IGBP1: variants seen among roughly 807,000 people sequenced by gnomAD.
IGBP1 encodes immunoglobulin-binding protein 1.
In IGBP1, 2 loss-of-function variants were observed where a neutral mutation model predicts 25.9. That is an observed-to-expected ratio of 0.08 (90% CI 0.03 to 0.24). The LOEUF is 0.24. Among genes scored for constraint, IGBP1 ranks in the 10% least tolerant of loss-of-function variants. IGBP1 has a pLI of 1.00. For synonymous variants in IGBP1, 96 were observed against 93.4 expected (o/e 1.03, Z -0.16); for missense variants, 187 against 260.4 (o/e 0.72, Z 1.94).
In IGBP1 at chrX:70,146,709, G is replaced by A; in HGVS notation, c.559G>A (p.Glu187Lys). 1 of 1,205,389 alleles carries A rather than the reference G, an allele frequency of 8.3e-7. No individual in the cohort carries two copies. Among genetic ancestry groups the A allele is most frequent in the South Asian group, 1.8e-5 (1 of 56,767 alleles). The change falls in exon 4 of 7, where the codon GAG (glutamate) becomes AAG (lysine). Residue 187 changes from glutamate (E) to lysine (K), a missense_variant. Transcript: ENST00000356413. ...TGTGGAAAGTGGTCAAGCAGATGAT[G>A]AGCGTGTTCGTGAATATTATCTTCT... Reference protein sequence around the residue: ...SAVESGQADDERVREYYLLHL... With the variant: ...SAVESGQADDKRVREYYLLHL...
In IGBP1 at chrX:70,166,191, CTCA is replaced by C. The variant is rs768395195; in HGVS notation, c.*215_*217del. On this transcript the variant is annotated 3_prime_UTR_variant, in exon 7 of 7. Transcript: ENST00000356413. ...CCAGCAGTCTTGTTTTGGCATCATCCTCATCATGTTGTATTCCAGCTTCTTAAG... is the reference window on the plus strand; with the variant it reads ...CCAGCAGTCTTGTTTTGGCATCATCCTCATGTTGTATTCCAGCTTCTTAAG... 6 of 411,013 alleles carry C rather than the reference CTCA, an allele frequency of 1.5e-5. No homozygotes were observed. The highest frequency in any genetic ancestry group is 2.1e-5 in the Non-Finnish European group (5 of 232,739). 33.9% of individuals were successfully genotyped at this position (411,013 alleles called of 1,213,427 possible).
intron 6 of IGBP1, among the ~76,000 whole-genome samples, chrX:70,152,877 A>G (rs1292909090): frequency 1.8e-5 from 2 of 112,111 alleles, no homozygotes; most frequent in Non-Finnish European, 3.8e-5. Context: ...TGTATGCGCA[A>G]TTGGAATGCC....
rs181591562 is a variant in IGBP1 at position 70,156,865 on chromosome X, G to C, written c.871+6543G>C. On this transcript the variant is annotated intron_variant, in intron 6 of 6. Transcript: ENST00000356413. Reference sequence around the variant, plus strand: ...CGAGGCAGGAGAATCGGTTGAGTCTGGGAGGCAGAGGTTGCAGTGAGTCAA... The same window carrying C: ...CGAGGCAGGAGAATCGGTTGAGTCTCGGAGGCAGAGGTTGCAGTGAGTCAA... Among the ~76,000 whole-genome samples the C allele has an allele frequency of 6.8e-4, 76 of 111,803 alleles. 1 individual carries two copies. The East Asian group carries it at 0.02, about 29-fold the overall frequency.
chrX:70,151,601 G>A (rs1303396353), intron 6 of IGBP1, among the ~76,000 whole-genome samples: 1 of 112,064 alleles, frequency 8.9e-6, no homozygotes, highest in Non-Finnish European at 1.9e-5. Flanking sequence ...AGATGCGCTA[G>A]GCACAGTGGC....
At chrX:70,148,266 T>C (rs1394969077) in intron 4 of IGBP1, among the ~76,000 whole-genome samples, 1 of 111,982 alleles carries the variant, frequency 8.9e-6, no homozygotes, top group African/African-American at 3.2e-5. Context: ...ATATGGAAAC[T>C]ACTAACCAAT....
chrX:70,161,582 T>C (rs1178681751), intron 6 of IGBP1, among the ~76,000 whole-genome samples: 1 of 111,995 alleles, frequency 8.9e-6, no homozygotes, highest in African/African-American at 3.3e-5. Flanking sequence ...GCATTTGCTA[T>C]ACCCAACCTA....
chrX:70,155,092 T>G (rs1818865119), intron 6 of IGBP1, among the ~76,000 whole-genome samples: 1 of 112,199 alleles, frequency 8.9e-6, no homozygotes, highest in African/African-American at 3.2e-5. Flanking sequence ...GCACCTCAAA[T>G]GTAAATAGAA....
At chrX:70,136,786 T>G (rs1305276659) in intron 3 of IGBP1, among the ~76,000 whole-genome samples, 1 of 109,497 alleles carries the variant, frequency 9.1e-6, no homozygotes, top group Non-Finnish European at 1.9e-5. Context: ...CTTGGCTCGC[T>G]GCAACCTCCA....
chrX:70,143,781 CTTGT>C (rs1006876930), intron 3 of IGBP1, among the ~76,000 whole-genome samples: 2 of 112,117 alleles, frequency 1.8e-5, no homozygotes, highest in Non-Finnish European at 3.8e-5. Context: ...GTAAATTTTA[CTTGT>C]TTATTAATTA....
chrX:70,160,641 A>G (rs978048598), intron 6 of IGBP1, among the ~76,000 whole-genome samples: 2 of 112,465 alleles, frequency 1.8e-5, no homozygotes, highest in Non-Finnish European at 3.8e-5. Flanking sequence ...AGACATTGAA[A>G]TAAGGACAGG....
intron 6 of IGBP1, among the ~76,000 whole-genome samples, chrX:70,154,714 C>CAAAAAAAAAAAAAAAAAAAAAAAAAAA (rs762954223): frequency 4.4e-4 from 12 of 27,102 alleles, no homozygotes; most frequent in African/African-American, 2.0e-3. Context: ...CCCCTCTCCA[C>CAAAAAAAAAAAAAAAAAAAAAAAAAAA]AAAAAAAAAA....
At chrX:70,141,917 A>AG (rs1250219654) in intron 3 of IGBP1, among the ~76,000 whole-genome samples, 22 of 110,324 alleles carry the variant, frequency 2.0e-4, no homozygotes, top group African/African-American at 7.1e-4. Context: ...GATTAAAAAA[A>AG]AGGGGGGGGG....
Position 70,134,146 on chromosome X carries a change from A to C in IGBP1, c.188+11A>C, listed in dbSNP as rs1383972203. The C allele has an allele frequency of 8.3e-7, 1 of 1,200,108 alleles. No homozygotes were observed. Among genetic ancestry groups the C allele is most frequent in the Admixed American group, 2.2e-5 (1 of 46,093 alleles). On this transcript the variant is annotated intron_variant, in intron 2 of 6. Coordinates refer to ENST00000356413, the MANE Select transcript of IGBP1 (RefSeq NM_001551.3). ...GCTCGACTTGTTCAGGTATGGGGGA[A>C]GATAGTAATAATGGCTGAGAACGAA...
At chrX:70,144,756 T>C (rs2085155275) in intron 3 of IGBP1, among the ~76,000 whole-genome samples, 2 of 97,484 alleles carry the variant, frequency 2.1e-5, no homozygotes, top group South Asian at 1.1e-3. Context: ...CACTCCCTGG[T>C]TCAAGCGATT....
Position 70,154,714 on chromosome X carries a change from C to CAAAAAAAAAAAAAAAAAA in IGBP1, c.871+4397_871+4414dup, listed in dbSNP as rs762954223. 3.3e-3 allele frequency among the ~76,000 whole-genome samples: 90 copies of CAAAAAAAAAAAAAAAAAA among 27,104 alleles called. 14 individuals carry two copies. Among genetic ancestry groups the CAAAAAAAAAAAAAAAAAA allele is most frequent in the Middle Eastern group, 0.11 (2 of 18 alleles). 23.5% of individuals were successfully genotyped at this position (27,104 alleles called of 115,157 possible). A position where few individuals can be genotyped will look rare whatever the true frequency, so the allele number is the denominator to read the frequency against. The stretch of plus-strand genomic sequence containing the variant: ...AGCAACATGGTAAGACCCCTCTCCA[C>CAAAAAAAAAAAAAAAAAA]AAAAAAAAAAAAAAAAAAAAAAGTT... On this transcript the variant is annotated intron_variant, in intron 6 of 6. Transcript: ENST00000356413.
At chrX:70,142,310 G>A (rs765779422) in intron 3 of IGBP1, among the ~76,000 whole-genome samples, 8 of 110,829 alleles carry the variant, frequency 7.2e-5, no homozygotes, top group Non-Finnish European at 1.5e-4. Context: ...AAGCCTGGGT[G>A]ACAGAGTAGA....
At chrX:70,159,615 A>C (rs181222757) in intron 6 of IGBP1, among the ~76,000 whole-genome samples, 1 of 111,197 alleles carries the variant, frequency 9.0e-6, no homozygotes, top group Non-Finnish European at 1.9e-5. Context: ...GGCAAGGACT[A>C]TGACTCTGAG....
intron 2 of IGBP1, 112 bp downstream of exon 2, chrX:70,134,247 C>T: frequency 1.5e-6 from 1 of 679,123 alleles, no homozygotes; most frequent in Non-Finnish European, 2.3e-6. Context: ...CGTTTCGTTC[C>T]TACTTACCAC....
At chrX:70,152,845 G>A (rs1451847570) in intron 6 of IGBP1, among the ~76,000 whole-genome samples, 1 of 111,632 alleles carries the variant, frequency 9.0e-6, no homozygotes. Context: ...AGTGGCCTGC[G>A]GAATTATGTA....
Sources: allele counts gnomAD v4.1 joint callset (sites outside exome capture counted in the v4.1 genomes callset), GRCh38; gene constraint gnomAD v4.1.1; transcripts MANE v1.5; gene names NCBI Gene and HGNC (gene_info 2026-07-23, HGNC 2026-07-21).